RPRD2: variants seen among roughly 807,000 people sequenced by gnomAD.
RPRD2 encodes regulation of nuclear pre-mRNA domain containing 2, also known as regulation of nuclear pre-mRNA domain-containing protein 2.
A neutral mutation model predicts 104.4 loss-of-function variants in RPRD2; 12 were observed. That is an observed-to-expected ratio of 0.11 (90% CI 0.07 to 0.19). The LOEUF (loss-of-function observed/expected upper bound fraction) is 0.19. Ranked by LOEUF, RPRD2 falls within the 10% of genes least tolerant of loss-of-function variation. RPRD2 has a pLI of 1.00. For synonymous variants in RPRD2, 714 were observed against 684.9 expected, an observed-to-expected ratio of 1.04 and a Z score of -0.66; for missense variants, 1,543 against 1,790.1, an observed-to-expected ratio of 0.86 and a Z score of 2.49.
intron 1 of RPRD2, among the ~76,000 whole-genome samples, chr1:150,412,953 A>G (rs1664049282): frequency 6.6e-6 from 1 of 152,066 alleles, no homozygotes; most frequent in Non-Finnish European, 1.5e-5. Flanking sequence ...GTTTTCTCCA[A>G]ATAAATCTGA....
At chr1:150,444,724 T>A (rs1322814563) in intron 6 of RPRD2, among the ~76,000 whole-genome samples, 1 of 152,214 alleles carries the variant, frequency 6.6e-6, no homozygotes, top group African/African-American at 2.4e-5. Context: ...ATACTAATAA[T>A]TTATTATAAT....
chr1:150,388,413 CAT>C (rs1491550922), intron 1 of RPRD2, among the ~76,000 whole-genome samples: 8 of 142,184 alleles, frequency 5.6e-5, no homozygotes, highest in Admixed American at 1.4e-4. Flanking sequence ...TGTATATACA[CAT>C]GTATATATAT....
At chr1:150,389,554 G>A (rs1661903579) in intron 1 of RPRD2, among the ~76,000 whole-genome samples, 1 of 152,164 alleles carries the variant, frequency 6.6e-6, no homozygotes, top group Non-Finnish European at 1.5e-5. Flanking sequence ...TACCGCTAAT[G>A]ATACTAACCT....
At chr1:150,435,370 T>G (rs1004432881) in intron 2 of RPRD2, among the ~76,000 whole-genome samples, 1 of 152,114 alleles carries the variant, frequency 6.6e-6, no homozygotes, top group Non-Finnish European at 1.5e-5. Context: ...AATAAAAAAC[T>G]AGAAAAGATT....
intron 9 of RPRD2, among the ~76,000 whole-genome samples, chr1:150,462,293 A>G (rs912508198): frequency 5.9e-5 from 9 of 151,802 alleles, no homozygotes; most frequent in Non-Finnish European, 1.0e-4. Flanking sequence ...AAAAAAGAAA[A>G]AATTCGCCAG....
At chr1:150,422,212 C>T (rs747564712) in intron 2 of RPRD2, among the ~76,000 whole-genome samples, 101 of 150,972 alleles carry the variant, frequency 6.7e-4, no homozygotes, top group Middle Eastern at 3.4e-3. Context: ...GGTGTGGTGG[C>T]GGGCGCCTGT....
At chr1:150,451,836 G>A (rs1391853858) in intron 7 of RPRD2, among the ~76,000 whole-genome samples, 1 of 151,202 alleles carries the variant, frequency 6.6e-6, no homozygotes, top group African/African-American at 2.4e-5. Context: ...TATAACTGGT[G>A]TCCATATAAG....
chr1:150,412,229 A>G (rs1214788715), intron 1 of RPRD2, among the ~76,000 whole-genome samples: 3 of 152,226 alleles, frequency 2.0e-5, no homozygotes, highest in Admixed American at 2.0e-4. Flanking sequence ...ATGCTATAGT[A>G]GGTAAAAGTA....
chr1:150,463,903 A>G (rs1238292020), intron 9 of RPRD2, among the ~76,000 whole-genome samples: 3 of 152,184 alleles, frequency 2.0e-5, no homozygotes, highest in Non-Finnish European at 4.4e-5. Context: ...AGCACTTTGA[A>G]AAGCCAAGGT....
intron 2 of RPRD2, among the ~76,000 whole-genome samples, chr1:150,418,065 T>G (rs1553888963): frequency 6.6e-6 from 1 of 152,062 alleles, no homozygotes; most frequent in Non-Finnish European, 1.5e-5. Flanking sequence ...CCTCCCGGGT[T>G]CAAGCAATTC....
At chr1:150,464,451 A>G in intron 9 of RPRD2, 76 bp from the exon 10 acceptor site, 1 of 1,153,794 alleles carries the variant, frequency 8.7e-7, no homozygotes, top group Non-Finnish European at 1.3e-6. Flanking sequence ...TATCAAACTC[A>G]TTGAAGTGAG....
chr1:150,395,016 T>C (rs1553883881), intron 1 of RPRD2, among the ~76,000 whole-genome samples: 1 of 152,222 alleles, frequency 6.6e-6, no homozygotes, highest in Non-Finnish European at 1.5e-5. Flanking sequence ...ATTTTTTTAT[T>C]TCCATAGGTT....
At chr1:150,434,098 T>C (rs1337066960) in intron 2 of RPRD2, among the ~76,000 whole-genome samples, 1 of 152,166 alleles carries the variant, frequency 6.6e-6, no homozygotes, top group Non-Finnish European at 1.5e-5. Context: ...CTCATGCCTG[T>C]AATCCCAGCA....
intron 1 of RPRD2, among the ~76,000 whole-genome samples, chr1:150,395,291 A>G (rs1553883954): frequency 1.3e-5 from 2 of 152,068 alleles, no homozygotes; most frequent in African/African-American, 4.8e-5. Context: ...CACTTAGAAT[A>G]GTAGCCTCCA....
intron 7 of RPRD2, among the ~76,000 whole-genome samples, chr1:150,450,281 C>T (rs1667062729): frequency 6.6e-6 from 1 of 152,046 alleles, no homozygotes; most frequent in East Asian, 1.9e-4. Context: ...ACTGGACATA[C>T]TCTTCTACAT....
rs764419057 is a variant in RPRD2 at position 150,472,709 on chromosome 1, C to T, written c.3761C>T (p.Ala1254Val). The stretch of plus-strand genomic sequence containing the variant: ...AAGGAGGCAGCCCTGGCCCATGCTG[C>T]CCCACCCCCTCCTCCTGGAGAGCAC... ...FTKEAALAHA[A>V]PPPPPGEHSG... is the part of the protein sequence containing the mutation. Residue 1254 changes from alanine to valine, a missense_variant, in exon 11 of 11, where the codon GCC (alanine) becomes GTC (valine). Physicochemically the swap from Ala to Val is moderately conservative, Grantham distance 64. Coordinates refer to ENST00000369068, the MANE Select transcript of RPRD2 (RefSeq NM_015203.5). The T allele has an allele frequency of 2.5e-6, 4 of 1,613,686 alleles. No homozygotes were observed. The highest frequency in any genetic ancestry group is 1.7e-4 in the Middle Eastern group (1 of 6,060).
intron 1 of RPRD2, among the ~76,000 whole-genome samples, chr1:150,416,886 A>AC (rs1341966512): frequency 4.3e-4 from 65 of 151,342 alleles, no homozygotes; most frequent in Middle Eastern, 3.4e-3. Context: ...AAAAAAAAAA[A>AC]AAAAACAAAA....
intron 10 of RPRD2, among the ~76,000 whole-genome samples, chr1:150,466,256 T>C (rs992535556): frequency 1.3e-5 from 2 of 151,442 alleles, no homozygotes; most frequent in South Asian, 4.2e-4. Context: ...CGGGCACCTG[T>C]AGTCTTGGCT....
intron 2 of RPRD2, among the ~76,000 whole-genome samples, chr1:150,438,832 C>T (rs1025375413): frequency 1.3e-5 from 2 of 151,714 alleles, no homozygotes; most frequent in African/African-American, 2.4e-5. Context: ...ATGGTAAGTA[C>T]ATATCTAAAC....
Sources: allele counts gnomAD v4.1 joint callset (sites outside exome capture counted in the v4.1 genomes callset), GRCh38; gene constraint gnomAD v4.1.1; transcripts MANE v1.5; gene names NCBI Gene and HGNC (gene_info 2026-07-23, HGNC 2026-07-21).